The following ANO4 variants were observed in gnomAD, a reference collection of about 807,000 sequenced individuals.
The protein encoded by ANO4 is anoctamin-4.
In ANO4, 69 loss-of-function variants were observed where a neutral mutation model predicts 141.9. The observed-to-expected ratio is 0.49, with a 90% CI of 0.40 to 0.59. The LOEUF is 0.59. ANO4 is among the 20% of genes least tolerant of loss of function. The pLI is 0.00. For synonymous variants in ANO4, 350 were observed against 394.3 expected, an observed-to-expected ratio of 0.89 and a Z score of 1.33; for missense variants, 894 against 1,162.2, an observed-to-expected ratio of 0.77 and a Z score of 3.36.
chr12:100,851,464 G>A (rs1450275184), intron 1 of ANO4, among the ~76,000 whole-genome samples: 5 of 152,008 alleles, frequency 3.3e-5, no homozygotes, highest in African/African-American at 1.2e-4. Flanking sequence ...TTTTCTCCAG[G>A]AAATTCCAGC....
At chr12:100,869,730 A>G (rs965600565) in intron 1 of ANO4, among the ~76,000 whole-genome samples, 3 of 152,142 alleles carry the variant, frequency 2.0e-5, no homozygotes, top group African/African-American at 4.8e-5. Flanking sequence ...CGTGCTCTCA[A>G]TTGTACATTC....
chr12:100,750,132 T>TTTTTTC (rs1433208498), intron 3 of ANO4, among the ~76,000 whole-genome samples: 4 of 151,742 alleles, frequency 2.6e-5, no homozygotes, highest in African/African-American at 9.7e-5. Context: ...TTTTTTTTTC[T>TTTTTTC]TTTTTCTTTT....
In ANO4 at chr12:100,971,300, T is replaced by G. The variant is rs776776310; in HGVS notation, c.457-6T>G. ...TTTTCAATTTAGTTTCTTTTTTCTG[T>G]TTCAGTCCTCTCTAATAAATAGTGA... On this transcript the variant is annotated splice_polypyrimidine_tract_variant and splice_region_variant and intron_variant, in intron 5 of 27. Transcript: ENST00000392977. 1.3e-6 allele frequency: 2 copies of G among 1,595,108 alleles called. No homozygotes were observed. The highest frequency in any genetic ancestry group is 2.7e-5 in the African/African-American group (2 of 74,492).
At chr12:101,092,979 T>G (rs544773223) in intron 17 of ANO4, among the ~76,000 whole-genome samples, 31 of 152,320 alleles carry the variant, frequency 2.0e-4, no homozygotes, top group Non-Finnish European at 4.1e-4. Flanking sequence ...TACATTGTAA[T>G]ATTAAAATAT....
At chr12:100,838,312 TG>T (rs1204872888) in intron 1 of ANO4, among the ~76,000 whole-genome samples, 1 of 149,904 alleles carries the variant, frequency 6.7e-6, no homozygotes, top group Non-Finnish European at 1.5e-5. Context: ...TAAAACTGAA[TG>T]GGGGTATGGG....
At chr12:100,729,360 C>CAAA (rs1156522144) in intron 1 of ANO4, among the ~76,000 whole-genome samples, 497 of 22,584 alleles carry the variant, frequency 0.022, 45 homozygotes, top group East Asian at 0.089. Flanking sequence ...AACTCTGTCT[C>CAAA]AAAAAAAAAA....
chr12:101,083,906 T>C, intron 16 of ANO4, 88 bp downstream of exon 16: 3 of 1,270,130 alleles, frequency 2.4e-6, no homozygotes, highest in Non-Finnish European at 3.1e-6. Flanking sequence ...TGCATTGTTC[T>C]ACAAAATATT....
intron 2 of ANO4, among the ~76,000 whole-genome samples, chr12:100,735,099 C>T (rs1465414360): frequency 6.6e-6 from 1 of 152,136 alleles, no homozygotes; most frequent in East Asian, 1.9e-4. Flanking sequence ...TGAGTTCAAC[C>T]CCCTGTGAAA....
chr12:100,946,305 T>G (rs559058224), intron 5 of ANO4, among the ~76,000 whole-genome samples: 1 of 152,200 alleles, frequency 6.6e-6, no homozygotes, highest in Non-Finnish European at 1.5e-5. Context: ...AGATCTGTTT[T>G]CTGTTTTAAT....
rs2050865758 is a variant in ANO4 at position 101,116,671 on chromosome 12, T to C, written c.2451-8T>C. 3 of 1,614,002 alleles carry C rather than the reference T, an allele frequency of 1.9e-6. No homozygotes were observed. The South Asian group carries it at 3.3e-5, about 18-fold the overall frequency. The stretch of plus-strand genomic sequence containing the variant: ...TGTTCTAATGGTAGAATGTGCCTCC[T>C]CTTATAGGTGCATGGTTGGCTATGT... On this transcript the variant is annotated splice_region_variant and splice_polypyrimidine_tract_variant and intron_variant, in intron 24 of 27. Coordinates refer to ENST00000392977, the MANE Select transcript of ANO4 (RefSeq NM_001286615.2).
chr12:101,026,261 C>G (rs916095538), intron 9 of ANO4, among the ~76,000 whole-genome samples: 1 of 152,070 alleles, frequency 6.6e-6, no homozygotes, highest in Non-Finnish European at 1.5e-5. Flanking sequence ...TTTTAAAAAC[C>G]AAATCACTTA....
chr12:100,932,876 G>A (rs2042137030), intron 3 of ANO4, among the ~76,000 whole-genome samples: 2 of 152,092 alleles, frequency 1.3e-5, no homozygotes, highest in South Asian at 4.2e-4. Context: ...GTTATAATAT[G>A]TGAGTCCTTG....
intron 8 of ANO4, among the ~76,000 whole-genome samples, chr12:101,003,406 C>G (rs755051784): frequency 3.9e-5 from 6 of 152,212 alleles, no homozygotes; most frequent in Non-Finnish European, 8.8e-5. Context: ...TCCTCACACT[C>G]TGTGTGCCAA....
intron 1 of ANO4, among the ~76,000 whole-genome samples, chr12:100,895,249 A>G (rs1227448745): frequency 6.6e-6 from 1 of 152,156 alleles, no homozygotes; most frequent in Non-Finnish European, 1.5e-5. Context: ...TTTACCTAAG[A>G]AATGACAAGA....
chr12:101,039,909 G>A, intron 10 of ANO4, 46 bp from the exon 11 acceptor site: 2 of 1,571,450 alleles, frequency 1.3e-6, no homozygotes, highest in Non-Finnish European at 1.7e-6. Flanking sequence ...ATTTCCTTGT[G>A]ACTTTTGTGA....
intron 1 of ANO4, among the ~76,000 whole-genome samples, chr12:100,825,703 A>G (rs1159080189): frequency 2.6e-5 from 4 of 152,064 alleles, no homozygotes; most frequent in Non-Finnish European, 4.4e-5. Flanking sequence ...TGGAACACTT[A>G]ATTATGGACA....
chr12:100,963,908 A>G (rs1232639601), intron 5 of ANO4, among the ~76,000 whole-genome samples: 2 of 152,188 alleles, frequency 1.3e-5, no homozygotes, highest in Non-Finnish European at 2.9e-5. Context: ...TCACTTATTG[A>G]ACCAGTACTA....
intron 1 of ANO4, among the ~76,000 whole-genome samples, chr12:100,856,356 A>G (rs965962885): frequency 1.1e-4 from 16 of 152,140 alleles, no homozygotes. Context: ...AAATTTTCCA[A>G]GTTTACACTA....
chr12:100,810,465 A>G (rs945691968), intron 1 of ANO4, among the ~76,000 whole-genome samples: 11 of 152,144 alleles, frequency 7.2e-5, no homozygotes, highest in African/African-American at 2.7e-4. Flanking sequence ...CGGCAGTAGC[A>G]TGATTTGACT....
Sources: gnomAD v4.1 joint callset for allele counts (sites outside exome capture counted in the v4.1 genomes callset) on GRCh38, gnomAD v4.1.1 for gene constraint, MANE v1.5 for transcripts, NCBI Gene and HGNC (gene_info 2026-07-23, HGNC 2026-07-21) for gene names.